Variants in RARB observed in about 807,000 individuals in gnomAD.
RARB encodes the protein retinoic acid receptor beta, also known as HBV-activated protein.
A neutral mutation model predicts 51.9 loss-of-function variants in RARB; 17 were observed. That is an observed-to-expected ratio of 0.33 (90% CI 0.22 to 0.49). The LOEUF (loss-of-function observed/expected upper bound fraction) is 0.49. Among genes scored for constraint, RARB ranks in the 20% least tolerant of loss-of-function variants. The pLI is 0.99. For missense variants in RARB, 369 were observed against 550.8 expected (o/e 0.67, Z 3.30); for synonymous variants, 215 against 195.4 (o/e 1.10, Z -0.84).
chr3:24,839,194 T>G (rs1702384791), intron 1 of RARB, among the ~76,000 whole-genome samples: 1 of 152,078 alleles, frequency 6.6e-6, no homozygotes, highest in Non-Finnish European at 1.5e-5. Context: ...GAAGTAAAAG[T>G]GCATGCAACT....
At chr3:25,175,316 A>G (rs1422698396) in intron 5 of RARB, among the ~76,000 whole-genome samples, 3 of 152,210 alleles carry the variant, frequency 2.0e-5, no homozygotes, top group African/African-American at 7.2e-5. Flanking sequence ...TACTTGGTTT[A>G]GCATCTGGAG....
intron 4 of RARB, among the ~76,000 whole-genome samples, chr3:25,575,151 A>G (rs1252933821): frequency 6.6e-6 from 1 of 152,112 alleles, no homozygotes; most frequent in African/African-American, 2.4e-5. Context: ...GACAACTTAG[A>G]TCCCTCGCAT....
chr3:25,010,190 A>T (rs1387053953), intron 2 of RARB, among the ~76,000 whole-genome samples: 7 of 152,056 alleles, frequency 4.6e-5, no homozygotes, highest in African/African-American at 1.2e-4. Flanking sequence ...TATCGGATTA[A>T]TTTTACACCT....
At chr3:25,018,201 T>A (rs1575121071) in intron 2 of RARB, among the ~76,000 whole-genome samples, 1 of 152,190 alleles carries the variant, frequency 6.6e-6, no homozygotes, top group African/African-American at 2.4e-5. Flanking sequence ...CAAACACAGA[T>A]GTGTTACAGT....
At chr3:25,531,354 C>T (rs1575492440) in intron 3 of RARB, among the ~76,000 whole-genome samples, 2 of 146,324 alleles carry the variant, frequency 1.4e-5, no homozygotes, top group East Asian at 2.0e-4. Flanking sequence ...AGGGGGAGAT[C>T]GATATACAGA....
chr3:24,905,401 C>A (rs1470070372), intron 2 of RARB, among the ~76,000 whole-genome samples: 1 of 152,202 alleles, frequency 6.6e-6, no homozygotes, highest in Non-Finnish European at 1.5e-5. Context: ...TTACTTGACA[C>A]ATCTGACCAC....
At chr3:25,094,363 A>T (rs1486323024) in intron 3 of RARB, among the ~76,000 whole-genome samples, 1 of 152,114 alleles carries the variant, frequency 6.6e-6, no homozygotes, top group East Asian at 1.9e-4. Context: ...GTCCTGGGCA[A>T]ATAGCAAAAA....
chr3:25,514,193 C>T (rs1698045112), intron 3 of RARB, among the ~76,000 whole-genome samples: 1 of 152,158 alleles, frequency 6.6e-6, no homozygotes, highest in Non-Finnish European at 1.5e-5. Flanking sequence ...TAAATCCTTG[C>T]ATAGAGTACA....
intron 5 of RARB, among the ~76,000 whole-genome samples, chr3:25,199,859 G>A (rs1701346742): frequency 6.6e-6 from 1 of 152,148 alleles, no homozygotes; most frequent in South Asian, 2.1e-4. Context: ...TGGACATTCA[G>A]GTTGGTTCCA....
chr3:24,899,469 G>A (rs926277798), intron 2 of RARB, among the ~76,000 whole-genome samples: 7 of 152,090 alleles, frequency 4.6e-5, no homozygotes, highest in African/African-American at 9.7e-5. Flanking sequence ...GTGAGAGGCC[G>A]AATATTATAT....
chr3:25,146,709 CGG>C (rs1700199741), intron 4 of RARB, among the ~76,000 whole-genome samples: 2 of 151,500 alleles, frequency 1.3e-5, no homozygotes, highest in Admixed American at 1.3e-4. Context: ...TTAGTAGAGA[CGG>C]GGTTTCACCA....
At chr3:24,955,747 C>G (rs1419529575) in intron 2 of RARB, among the ~76,000 whole-genome samples, 1 of 151,936 alleles carries the variant, frequency 6.6e-6, no homozygotes, top group Non-Finnish European at 1.5e-5. Context: ...AGCAATAAGT[C>G]ATCAGGGAGA....
intron 2 of RARB, among the ~76,000 whole-genome samples, chr3:24,994,170 A>G (rs146563630): frequency 6.6e-6 from 1 of 151,930 alleles, no homozygotes; most frequent in Non-Finnish European, 1.5e-5. Context: ...AGCATTTGTT[A>G]TTTTTTGTCT....
intron 2 of RARB, among the ~76,000 whole-genome samples, chr3:25,012,436 G>C (rs1406565830): frequency 6.6e-6 from 1 of 152,076 alleles, no homozygotes; most frequent in Non-Finnish European, 1.5e-5. Context: ...AGCTCCATGT[G>C]CATCCAGATC....
chr3:25,224,039 A>T (rs1702002356), intron 5 of RARB, among the ~76,000 whole-genome samples: 1 of 152,220 alleles, frequency 6.6e-6, no homozygotes, highest in South Asian at 2.1e-4. Context: ...ACACTTGGAA[A>T]CACAACACCA....
At chr3:25,248,822 TC>T in intron 5 of RARB, among the ~76,000 whole-genome samples, 1 of 152,350 alleles carries the variant, frequency 6.6e-6, no homozygotes, top group African/African-American at 2.4e-5. Context: ...TGGTTGGGGT[TC>T]CCTTATAAGT....
intron 5 of RARB, among the ~76,000 whole-genome samples, chr3:25,372,688 T>C (rs921518154): frequency 6.6e-6 from 1 of 152,042 alleles, no homozygotes; most frequent in Non-Finnish European, 1.5e-5. Context: ...TAGTCAGGCA[T>C]GGTGGCGCAT....
intron 3 of RARB, among the ~76,000 whole-genome samples, chr3:25,083,918 C>G (rs1238124906): frequency 1.3e-5 from 2 of 152,142 alleles, no homozygotes; most frequent in African/African-American, 4.8e-5. Flanking sequence ...ACTAGATGCC[C>G]TGGGTATTCA....
intron 2 of RARB, among the ~76,000 whole-genome samples, chr3:25,473,782 C>T (rs1176225992): frequency 6.6e-6 from 1 of 152,040 alleles, no homozygotes; most frequent in East Asian, 1.9e-4. Flanking sequence ...CTTCTCCTCC[C>T]TCTCAGGGCT....
Sources: gnomAD v4.1 joint callset for allele counts (sites outside exome capture counted in the v4.1 genomes callset) on GRCh38, gnomAD v4.1.1 for gene constraint, MANE v1.5 for transcripts, NCBI Gene and HGNC (gene_info 2026-07-23, HGNC 2026-07-21) for gene names.